DPYD: variants seen among roughly 807,000 people sequenced by gnomAD.
DPYD encodes the protein dihydropyrimidine dehydrogenase [NADP(+)].
DPYD carries 109 observed loss-of-function variants against 116.2 expected under a neutral mutation model. The observed-to-expected ratio is 0.94, with a 90% CI of 0.80 to 1.10. The LOEUF is 1.10. Among genes scored for constraint, DPYD ranks in the 50% least tolerant of loss-of-function variants. DPYD has a pLI of 0.00. For synonymous variants in DPYD, 440 were observed against 432.0 expected (o/e 1.02, Z -0.23); for missense variants, 1,302 against 1,254.5 (o/e 1.04, Z -0.57).
chr1:97,664,882 A>G (rs551385683), intron 8 of DPYD, among the ~76,000 whole-genome samples: 2 of 152,276 alleles, frequency 1.3e-5, no homozygotes, highest in East Asian at 3.9e-4. Context: ...ACACACATAC[A>G]CAGGGGAAAA....
In DPYD at chr1:97,490,827, T is replaced by TAAA. The variant is rs33972983; in HGVS notation, c.1740+24896_1740+24898dup. 4.1e-4 allele frequency among the ~76,000 whole-genome samples: 59 copies of TAAA among 144,160 alleles called. 1 individual carries two copies. The highest frequency in any genetic ancestry group is 2.6e-3 in the East Asian group (13 of 5,020). The allele number at this position is 144,160 out of a possible 152,430, so 94.6% of individuals were successfully genotyped here. On this transcript the variant is annotated intron_variant, in intron 13 of 22. Transcript: ENST00000370192. ...ATACTATTGCCCTGAAATGTAATGC[T>TAAA]AAAAAAAAAAACCAAAAAACTGATT...
At position 97,797,148 on chromosome 1, in the gene DPYD, A is replaced by C. The variant is rs1667611726; in HGVS notation, c.233+30966T>G. The C allele has an allele frequency of 2.0e-5, 3 of 152,216 alleles. No individual in the cohort carries two copies. In the South Asian group the frequency reaches 6.2e-4, roughly 32 times the overall value. 9.4% of individuals were successfully genotyped at this position (152,216 alleles called of 1,614,324 possible). On this transcript the variant is annotated intron_variant, in intron 3 of 22. Transcript: ENST00000370192. ...AAAAATGCAAGGAGGAAATACAAAA[A>C]TGTAATACATTTATCTTGCTTTCTT...
Position 97,546,520 on chromosome 1 carries a change from C to T in DPYD, c.1524+3040G>A, listed in dbSNP as rs139733593. 1.4e-4 allele frequency: 231 copies of T among 1,597,900 alleles called. 1 individual carries two copies. The African/African-American group carries it at 2.8e-3, about 19-fold the overall frequency. On this transcript the variant is annotated intron_variant, in intron 12 of 22. Coordinates refer to ENST00000370192, the MANE Select transcript of DPYD (RefSeq NM_000110.4). ...AAACAAAGATGATGAAGCAGAGTGGCAAGAATTACTACAAAGCATACAGCA... is the reference window on the plus strand; with the variant it reads ...AAACAAAGATGATGAAGCAGAGTGGTAAGAATTACTACAAAGCATACAGCA...
At position 97,193,076 on chromosome 1, in the gene DPYD, A is replaced by G. The variant is rs1658492834; in HGVS notation, c.2615T>C (p.Met872Thr). ...GGAGATTTAAGCACATACCTTGTCC[A>G]TGAGTTCAGCTATACGTGGAACTGG... ...GKPVPRIAEL[M>T]DKKLPSFGPY... The change falls in exon 20 of 23, where the codon ATG becomes ACG. Residue 872 changes from methionine (M) to threonine (T), a missense_variant. By Grantham distance (81) the Met-to-Thr change is moderately conservative. Coordinates refer to ENST00000370192, the MANE Select transcript of DPYD (RefSeq NM_000110.4). 1 of 1,613,970 alleles carries G rather than the reference A, an allele frequency of 6.2e-7. No homozygotes were observed. Among genetic ancestry groups the G allele is most frequent in the Non-Finnish European group, 8.5e-7 (1 of 1,179,878 alleles).
intron 14 of DPYD, among the ~76,000 whole-genome samples, chr1:97,448,148 T>C (rs905523991): frequency 2.6e-5 from 4 of 152,040 alleles, no homozygotes; most frequent in African/African-American, 9.7e-5. Flanking sequence ...ACCTAGAAGC[T>C]GGAGGCTGCA....
rs1161018856 is a variant in DPYD at position 97,149,215 on chromosome 1, C to T, written c.2622+43854G>A. On this transcript the variant is annotated intron_variant, in intron 20 of 22. Transcript: ENST00000370192. ...AGCCCATATTACTGGCAATCTGATACAGAATTATAGCTGTGTTTCACTTGT... is the reference window on the plus strand; with the variant it reads ...AGCCCATATTACTGGCAATCTGATATAGAATTATAGCTGTGTTTCACTTGT... 2.0e-5 allele frequency among the ~76,000 whole-genome samples: 3 copies of T among 152,176 alleles called. No individual in the cohort carries two copies. The South Asian group carries it at 6.2e-4, about 31-fold the overall frequency.
At chr1:97,868,951 AAG>A (rs1671529517) in intron 2 of DPYD, among the ~76,000 whole-genome samples, 1 of 151,682 alleles carries the variant, frequency 6.6e-6, no homozygotes, top group African/African-American at 2.4e-5. Context: ...ACAAAACACA[AAG>A]TTGCAAAACT....
chr1:97,548,793 A>G (rs2102081075), intron 12 of DPYD, among the ~76,000 whole-genome samples: 1 of 152,202 alleles, frequency 6.6e-6, no homozygotes, highest in East Asian at 1.9e-4. Flanking sequence ...TACAACTGAA[A>G]TTCATCAAAT....
intron 20 of DPYD, among the ~76,000 whole-genome samples, chr1:97,150,613 T>C (rs1354014864): frequency 1.3e-5 from 2 of 152,210 alleles, no homozygotes; most frequent in South Asian, 2.1e-4. Context: ...AGATATACTG[T>C]ATATATGAAT....
In DPYD at chr1:97,457,245, A is replaced by G. The variant is rs564685880; in HGVS notation, c.1741-7022T>C. Among the ~76,000 whole-genome samples, 6 of 152,232 alleles carry G rather than the reference A, an allele frequency of 3.9e-5. No individual in the cohort carries two copies. In the East Asian group the frequency reaches 7.7e-4, roughly 20 times the overall value. On this transcript the variant is annotated intron_variant, in intron 13 of 22. Transcript: ENST00000370192. ...AATGTCTGCTATATGCCAAGGAAGG[A>G]GTTTTACTCACATATTCTCCAGTGC...
At chr1:97,686,647 A>G in intron 7 of DPYD, among the ~76,000 whole-genome samples, 1 of 147,888 alleles carries the variant, frequency 6.8e-6, no homozygotes, top group African/African-American at 2.5e-5. Flanking sequence ...AAAAAAAAAA[A>G]AAAAAAAAAA....
intron 14 of DPYD, among the ~76,000 whole-genome samples, chr1:97,391,564 C>A (rs958121751): frequency 3.3e-5 from 5 of 151,792 alleles, no homozygotes; most frequent in African/African-American, 1.2e-4. Flanking sequence ...TCTAGGTGGT[C>A]CTAAAGTACA....
At position 97,215,580 on chromosome 1, in the gene DPYD, C is replaced by T. The variant is rs1440709058; in HGVS notation, c.2442+19272G>A. On this transcript the variant is annotated intron_variant, in intron 19 of 22. Coordinates refer to ENST00000370192, the MANE Select transcript of DPYD (RefSeq NM_000110.4). ...GGCAATGAAAAACACACACTTAGTTCAACTAAAATCTCTCATACCTTTCCT... is the reference window on the plus strand; with the variant it reads ...GGCAATGAAAAACACACACTTAGTTTAACTAAAATCTCTCATACCTTTCCT... Among the ~76,000 whole-genome samples the T allele has an allele frequency of 2.0e-5, 3 of 152,248 alleles. No homozygotes were observed. The Middle Eastern group carries it at 0.01, about 518-fold the overall frequency.
At chr1:97,456,579 G>A (rs1676700690) in intron 13 of DPYD, among the ~76,000 whole-genome samples, 2 of 151,980 alleles carry the variant, frequency 1.3e-5, no homozygotes, top group Admixed American at 1.3e-4. Context: ...GGCCCTAACG[G>A]GCTTAAGCTG....
chr1:97,920,230 A>AT (rs370791572), intron 1 of DPYD, among the ~76,000 whole-genome samples: 37 of 152,120 alleles, frequency 2.4e-4, no homozygotes, highest in Admixed American at 3.9e-4. Context: ...ATAAAAAAAG[A>AT]TTTTTTTTAA....
intron 6 of DPYD, among the ~76,000 whole-genome samples, chr1:97,696,572 T>C (rs868767466): frequency 3.3e-5 from 5 of 152,272 alleles, no homozygotes; most frequent in Middle Eastern, 6.8e-3. Context: ...AACAAACTTT[T>C]CTTCTATCTG....
chr1:97,561,717 C>G (rs1467093550), intron 11 of DPYD, among the ~76,000 whole-genome samples: 1 of 152,124 alleles, frequency 6.6e-6, no homozygotes, highest in Non-Finnish European at 1.5e-5. Flanking sequence ...ATATGTTTTT[C>G]CACCCTTACT....
At chr1:97,248,661 G>A (rs1662884366) in intron 18 of DPYD, among the ~76,000 whole-genome samples, 2 of 152,030 alleles carry the variant, frequency 1.3e-5, no homozygotes, top group Admixed American at 6.6e-5. Context: ...AAATCCATCC[G>A]TGATGAGAAC....
In DPYD at chr1:97,078,817, T is replaced by C. The variant is rs55938520; in HGVS notation, c.*159A>G. 3.9e-3 allele frequency: 3,354 copies of C among 849,938 alleles called. 10 individuals are homozygous for C. The highest frequency in any genetic ancestry group is 5.5e-3 in the Non-Finnish European group (2,979 of 542,070). 52.6% of individuals were successfully genotyped at this position (849,938 alleles called of 1,614,324 possible). A position where few individuals can be genotyped will look rare whatever the true frequency, so the allele number is the denominator to read the frequency against. Reference sequence around the variant, plus strand: ...ATTGAATGGTCATTGACATGAGACATTTTTTACACTTACAAATGTATTTTG... The same window carrying C: ...ATTGAATGGTCATTGACATGAGACACTTTTTACACTTACAAATGTATTTTG... On this transcript the variant is annotated 3_prime_UTR_variant, in exon 23 of 23. Transcript: ENST00000370192.
Sources: allele counts gnomAD v4.1 joint callset (sites outside exome capture counted in the v4.1 genomes callset), GRCh38; gene constraint gnomAD v4.1.1; transcripts MANE v1.5; gene names NCBI Gene and HGNC (gene_info 2026-07-23, HGNC 2026-07-21).